Variants in C12orf42 observed in about 807,000 individuals in gnomAD.
C12orf42 encodes the protein chromosome 12 open reading frame 42.
C12orf42 carries 25 observed loss-of-function variants against 21.6 expected under a neutral mutation model. The ratio of observed to expected loss-of-function variants is 1.16; its 90% CI spans 0.84 to 1.62. The LOEUF (loss-of-function observed/expected upper bound fraction) is 1.62. C12orf42 is among the 40% of genes most tolerant of loss of function. The pLI is 0.00. For missense variants in C12orf42, 483 were observed against 459.3 expected, an observed-to-expected ratio of 1.05 and a Z score of -0.47; for synonymous variants, 174 against 175.0, an observed-to-expected ratio of 0.99 and a Z score of 0.05.
the C12orf42 span, among the ~76,000 whole-genome samples, chr12:103,522,450 C>T: frequency 1.3e-5 from 2 of 152,132 alleles, no homozygotes; most frequent in Non-Finnish European, 2.9e-5. Context: ...CAGCTATGCC[C>T]GGGAGCCATT....
the C12orf42 span, among the ~76,000 whole-genome samples, chr12:103,091,386 TAA>T: frequency 1.9e-3 from 265 of 141,844 alleles, 1 homozygote; most frequent in Admixed American, 3.3e-3. Context: ...TTGCCTCAAA[TAA>T]AAAAAAAAAA....
In C12orf42 at chr12:103,401,582, T is replaced by C. The variant is rs376087324; in HGVS notation, c.147+25A>G. Reference sequence around the variant, plus strand: ...AAAGGACGGCACTATGGAGCAGCCCTGCACATAACATTCCGCTGACTCACC... The same window carrying C: ...AAAGGACGGCACTATGGAGCAGCCCCGCACATAACATTCCGCTGACTCACC... On this transcript the variant is annotated intron_variant, in intron 3 of 5. Coordinates refer to ENST00000548883, the MANE Select transcript of C12orf42 (RefSeq NM_198521.5). 6 of 1,608,642 alleles carry C rather than the reference T, an allele frequency of 3.7e-6. No individual in the cohort carries two copies. In the East Asian group the frequency reaches 1.1e-4, roughly 30 times the overall value.
chr12:103,144,609 T>C, the C12orf42 span, among the ~76,000 whole-genome samples: 19 of 152,266 alleles, frequency 1.2e-4, no homozygotes, highest in Non-Finnish European at 2.8e-4. Flanking sequence ...GGATTTATTA[T>C]ACTTGAGAGT....
At chr12:103,529,896 C>T in the C12orf42 span, among the ~76,000 whole-genome samples, 2 of 152,122 alleles carry the variant, frequency 1.3e-5, no homozygotes, top group African/African-American at 4.8e-5. Flanking sequence ...CTCCCCCATA[C>T]TTCATTAGAT....
the C12orf42 span, among the ~76,000 whole-genome samples, chr12:103,087,650 A>G: frequency 1.3e-5 from 2 of 152,214 alleles, no homozygotes; most frequent in African/African-American, 4.8e-5. Flanking sequence ...TAAGTGCTAT[A>G]CGAAATTAAA....
At chr12:103,507,186 A>T in the C12orf42 span, among the ~76,000 whole-genome samples, 2 of 22,004 alleles carry the variant, frequency 9.1e-5, no homozygotes, top group Non-Finnish European at 1.1e-4. Context: ...TATTATATAT[A>T]ATATATATAT....
At position 103,316,927 on chromosome 12, in the gene C12orf42, A is replaced by G. The variant is rs144741448; in HGVS notation, c.260-10582T>C. Among the ~76,000 whole-genome samples, 1,291 of 152,284 alleles carry G rather than the reference A, an allele frequency of 8.5e-3. 9 individuals carry two copies. Among genetic ancestry groups the G allele is most frequent in the South Asian group, 0.019 (91 of 4,828 alleles). ...ATATCACCTCTGTCTTCTTCTGCAG[A>G]GTTCCCTCTGGGTAACCACTTCACT... On this transcript the variant is annotated intron_variant, in intron 4 of 5. Transcript: ENST00000548883.
the C12orf42 span, among the ~76,000 whole-genome samples, chr12:103,198,041 CAT>C: frequency 6.6e-6 from 1 of 152,210 alleles, no homozygotes; most frequent in South Asian, 2.1e-4. Flanking sequence ...TCCACAGTCA[CAT>C]GTGTGTGCTG....
At chr12:103,118,604 C>T in the C12orf42 span, among the ~76,000 whole-genome samples, 3 of 152,016 alleles carry the variant, frequency 2.0e-5, no homozygotes, top group South Asian at 4.2e-4. Flanking sequence ...CGAGACCATC[C>T]TGGCTAACAC....
chr12:103,110,144 G>A, the C12orf42 span, among the ~76,000 whole-genome samples: 2 of 152,316 alleles, frequency 1.3e-5, no homozygotes, highest in South Asian at 4.1e-4. Context: ...CCTCTTTGGA[G>A]AGTAATAACC....
At chr12:103,070,489 C>CAT in the C12orf42 span, among the ~76,000 whole-genome samples, 3 of 144,990 alleles carry the variant, frequency 2.1e-5, no homozygotes, top group African/African-American at 7.8e-5. Flanking sequence ...TACACATATA[C>CAT]ATATATATAC....
At chr12:103,464,323 A>T (rs983364842) in intron 2 of C12orf42, among the ~76,000 whole-genome samples, 7 of 152,076 alleles carry the variant, frequency 4.6e-5, no homozygotes, top group African/African-American at 1.7e-4. Flanking sequence ...TGTAATGATC[A>T]GTGATATTGA....
At chr12:103,351,799 T>TTTAAA (rs1172090411) in intron 4 of C12orf42, among the ~76,000 whole-genome samples, 1 of 152,142 alleles carries the variant, frequency 6.6e-6, no homozygotes, top group Non-Finnish European at 1.5e-5. Context: ...CCAAAAATAA[T>TTTAAA]TGAAGATTAA....
the C12orf42 span, among the ~76,000 whole-genome samples, chr12:103,048,889 T>C: frequency 1.3e-5 from 2 of 152,180 alleles, no homozygotes; most frequent in Non-Finnish European, 2.9e-5. Flanking sequence ...GCCTCCCATT[T>C]CATATGGCTC....
At chr12:103,170,958 A>G in the C12orf42 span, among the ~76,000 whole-genome samples, 1 of 152,150 alleles carries the variant, frequency 6.6e-6, no homozygotes, top group African/African-American at 2.4e-5. Flanking sequence ...AAGAAGTTGT[A>G]TCATTTATCT....
chr12:103,320,980 C>T (rs1025924651), intron 4 of C12orf42, among the ~76,000 whole-genome samples: 4 of 152,146 alleles, frequency 2.6e-5, no homozygotes, highest in South Asian at 2.1e-4. Context: ...TAGCATGCCA[C>T]GCTCTGTGAG....
chr12:103,434,819 G>A (rs1451139521), intron 2 of C12orf42, among the ~76,000 whole-genome samples: 1 of 152,204 alleles, frequency 6.6e-6, no homozygotes, highest in Admixed American at 6.5e-5. Context: ...CAGCGAGGCT[G>A]GGGGAGGGGC....
chr12:103,412,540 G>A (rs1319462076), intron 2 of C12orf42, among the ~76,000 whole-genome samples: 1 of 152,146 alleles, frequency 6.6e-6, no homozygotes, highest in African/African-American at 2.4e-5. Context: ...ATGGTGGTGG[G>A]CACCTCTAAT....
Position 103,348,354 on chromosome 12 carries a change from G to A in C12orf42, c.259+20533C>T, listed in dbSNP as rs186699759. Among the ~76,000 whole-genome samples the A allele has an allele frequency of 1.9e-4, 29 of 152,276 alleles. No individual in the cohort carries two copies. The East Asian group carries it at 5.0e-3, about 26-fold the overall frequency. ...GACAAGGAAGATCCTACCTTATTGT[G>A]GGAGAAGAACACTAGAAGATGTAGG... On this transcript the variant is annotated intron_variant, in intron 4 of 5. Coordinates refer to ENST00000548883, the MANE Select transcript of C12orf42 (RefSeq NM_198521.5).
Sources: gnomAD v4.1 joint callset for allele counts (sites outside exome capture counted in the v4.1 genomes callset) on GRCh38, gnomAD v4.1.1 for gene constraint, MANE v1.5 for transcripts, NCBI Gene and HGNC (gene_info 2026-07-23, HGNC 2026-07-21) for gene names.